Variants in SLC2A13 observed in about 807,000 individuals in gnomAD.
The protein encoded by SLC2A13 is solute carrier family 2 member 13.
A neutral mutation model predicts 64.4 loss-of-function variants in SLC2A13; 32 were observed. The observed-to-expected ratio is 0.50, with a 90% confidence interval of 0.37 to 0.67. SLC2A13 has a LOEUF of 0.67. Among genes scored for constraint, SLC2A13 ranks in the 30% least tolerant of loss-of-function variants. The probability of loss-of-function intolerance (pLI) is 0.00; values close to 1 mark genes in which losing one functional copy is unlikely to be tolerated. For synonymous variants in SLC2A13, 338 were observed against 327.1 expected, an observed-to-expected ratio of 1.03 and a Z score of -0.36; for missense variants, 743 against 829.2, an observed-to-expected ratio of 0.90 and a Z score of 1.28.
At chr12:39,922,059 A>G (rs1282247654) in intron 4 of SLC2A13, among the ~76,000 whole-genome samples, 1 of 152,146 alleles carries the variant, frequency 6.6e-6, no homozygotes, top group Non-Finnish European at 1.5e-5. Flanking sequence ...AATTTATGCG[A>G]TTTATATTAT....
At chr12:40,030,657 A>G (rs1472195993) in intron 2 of SLC2A13, among the ~76,000 whole-genome samples, 1 of 152,186 alleles carries the variant, frequency 6.6e-6, no homozygotes, top group African/African-American at 2.4e-5. Context: ...TGCTCACATA[A>G]TATTTTGCAC....
At chr12:39,801,339 T>TA (rs34671641) in intron 7 of SLC2A13, among the ~76,000 whole-genome samples, 3 of 126,864 alleles carry the variant, frequency 2.4e-5, no homozygotes, top group Non-Finnish European at 3.4e-5. Context: ...ATGAGGAAAT[T>TA]AAAAAAAAAA....
At chr12:39,979,014 C>A (rs1407620722) in intron 3 of SLC2A13, among the ~76,000 whole-genome samples, 1 of 150,812 alleles carries the variant, frequency 6.6e-6, no homozygotes, top group African/African-American at 2.4e-5. Flanking sequence ...GGTCCCTGAC[C>A]CCTGACCCCC....
At chr12:39,821,839 A>T (rs1232755941) in intron 7 of SLC2A13, among the ~76,000 whole-genome samples, 2 of 152,228 alleles carry the variant, frequency 1.3e-5, no homozygotes, top group Non-Finnish European at 2.9e-5. Context: ...GGTAGCAGAT[A>T]CTTTGAACAA....
intron 7 of SLC2A13, among the ~76,000 whole-genome samples, chr12:39,792,827 G>T (rs572573116): frequency 6.7e-6 from 1 of 149,764 alleles, no homozygotes; most frequent in African/African-American, 2.4e-5. Flanking sequence ...CCACATAAAA[G>T]TGGACCACGC....
intron 6 of SLC2A13, among the ~76,000 whole-genome samples, chr12:39,848,315 CT>C (rs1555245032): frequency 6.6e-6 from 1 of 152,032 alleles, no homozygotes; most frequent in Non-Finnish European, 1.5e-5. Flanking sequence ...TTATAAGGAA[CT>C]TAGCAAATTT....
intron 7 of SLC2A13, among the ~76,000 whole-genome samples, chr12:39,809,807 T>A (rs1255555838): frequency 6.6e-6 from 1 of 152,172 alleles, no homozygotes; most frequent in Non-Finnish European, 1.5e-5. Context: ...GGTTTCCAGC[T>A]TCATCCATGT....
chr12:39,891,652 G>A (rs1422264616), intron 4 of SLC2A13, among the ~76,000 whole-genome samples: 2 of 152,056 alleles, frequency 1.3e-5, no homozygotes, highest in Non-Finnish European at 2.9e-5. Flanking sequence ...CAATCCTTAA[G>A]GTATGTATTA....
chr12:39,960,334 CAT>C (rs1447448968), intron 3 of SLC2A13, among the ~76,000 whole-genome samples: 1 of 152,176 alleles, frequency 6.6e-6, no homozygotes, highest in African/African-American at 2.4e-5. Context: ...GAGTTTTCTA[CAT>C]AGACTTCCGC....
Position 39,760,137 on chromosome 12 carries a change from C to T in SLC2A13, c.1836G>A (p.Arg612=). Residue 612 remains arginine (R), a synonymous_variant, in exon 10 of 10, where the codon AGG becomes AGA. Transcript: ENST00000280871. ...LEEIESLFDN[R]LCTCGTSDSD... ...AATCTGAAGTGCCACATGTACATAG[C>T]CTGTTGTCAAAGAGTGATTCAATTT... is the stretch of plus-strand genomic sequence containing the variant. The T allele has an allele frequency of 6.2e-7, 1 of 1,613,010 alleles. No individual in the cohort carries two copies. Among genetic ancestry groups the T allele is most frequent in the South Asian group, 1.1e-5 (1 of 91,056 alleles).
intron 1 of SLC2A13, among the ~76,000 whole-genome samples, chr12:40,078,335 CT>C (rs1481013504): frequency 3.3e-5 from 5 of 152,018 alleles, no homozygotes; most frequent in Admixed American, 6.6e-5. Context: ...TCAATGCCTA[CT>C]TTGTTGAGGG....
chr12:40,090,551 C>CT (rs939128025), intron 1 of SLC2A13, among the ~76,000 whole-genome samples: 7 of 152,054 alleles, frequency 4.6e-5, no homozygotes, highest in African/African-American at 1.7e-4. Flanking sequence ...AGTTTTAATG[C>CT]TTATTAATAA....
At chr12:39,946,967 G>C (rs1471940680) in intron 4 of SLC2A13, among the ~76,000 whole-genome samples, 1 of 152,126 alleles carries the variant, frequency 6.6e-6, no homozygotes, top group African/African-American at 2.4e-5. Flanking sequence ...CCACTCTCCT[G>C]ATGGATCACT....
chr12:40,069,231 GTCTTTCTGGTATTCAC>G (rs1937861948), intron 1 of SLC2A13, among the ~76,000 whole-genome samples: 1 of 151,988 alleles, frequency 6.6e-6, no homozygotes, highest in Non-Finnish European at 1.5e-5. Flanking sequence ...AAATCTCAAA[GTCTTTCTGGTATTCAC>G]TCTTTCTGGT....
In SLC2A13 at chr12:39,871,951, C is replaced by T; in HGVS notation, c.1045G>A (p.Ala349Thr). Residue 349 changes from alanine to threonine, a missense_variant, in exon 5 of 10, where the codon GCA (alanine) becomes ACA (threonine). This residue lies in a region of SLC2A13 where 295 missense variants were observed against 381.7 expected (regional missense o/e 0.77). Transcript: ENST00000280871. Reference sequence around the variant, plus strand: ...ACACCAGACATCTGCAGAATGGTTGCACTGTAGTACCTGCAAAGCAATGAA... The same window carrying T: ...ACACCAGACATCTGCAGAATGGTTGTACTGTAGTACCTGCAAAGCAATGAA... ...SGINTIMYYS[A>T]TILQMSGVED... 1 of 1,599,920 alleles carries T rather than the reference C, an allele frequency of 6.3e-7. No homozygotes were observed. The highest frequency in any genetic ancestry group is 8.5e-7 in the Non-Finnish European group (1 of 1,173,800).
In SLC2A13 at chr12:39,759,357, C is replaced by T. The variant is rs2135704913; in HGVS notation, c.*669G>A. 6.6e-6 allele frequency: 1 copy of T among 152,224 alleles called. No homozygotes were observed. The highest frequency in any genetic ancestry group is 1.5e-5 in the Non-Finnish European group (1 of 67,930). The allele number at this position is 152,224 out of a possible 1,614,324, so 9.4% of individuals were successfully genotyped here. On this transcript the variant is annotated 3_prime_UTR_variant, in exon 10 of 10. Coordinates refer to ENST00000280871, the MANE Select transcript of SLC2A13 (RefSeq NM_052885.4). ...CAAAAAAAAGAAGTATGAAAACAACCCGACAGATTATATTTTCATAATGTT... is the reference window on the plus strand; with the variant it reads ...CAAAAAAAAGAAGTATGAAAACAACTCGACAGATTATATTTTCATAATGTT...
chr12:39,797,018 T>C (rs1488560350), intron 7 of SLC2A13, among the ~76,000 whole-genome samples: 1 of 152,366 alleles, frequency 6.6e-6, no homozygotes, highest in Admixed American at 6.5e-5. Flanking sequence ...GAGTGTTTTT[T>C]GGTTATTTTA....
At chr12:40,064,232 G>C (rs1217474657) in intron 1 of SLC2A13, among the ~76,000 whole-genome samples, 1 of 152,056 alleles carries the variant, frequency 6.6e-6, no homozygotes, top group African/African-American at 2.4e-5. Flanking sequence ...GTGACAAAGA[G>C]AGAGTGCCCT....
At chr12:39,861,782 G>A (rs1364032990) in intron 6 of SLC2A13, among the ~76,000 whole-genome samples, 2 of 152,124 alleles carry the variant, frequency 1.3e-5, no homozygotes, top group East Asian at 3.8e-4. Flanking sequence ...TTTTATACAG[G>A]TGGCCAAACA....
Sources: gnomAD v4.1 joint callset for allele counts (sites outside exome capture counted in the v4.1 genomes callset) on GRCh38, gnomAD v4.1.1 for gene constraint, gnomAD v4.1.1 regional missense constraint, MANE v1.5 for transcripts, NCBI Gene and HGNC (gene_info 2026-07-23, HGNC 2026-07-21) for gene names.